The following ATP13A4 variants were observed in gnomAD, a reference collection of about 807,000 sequenced individuals.
The protein encoded by ATP13A4 is ATPase 13A4, also known as probable cation-transporting ATPase 13A4.
In ATP13A4, 114 loss-of-function variants were observed where a neutral mutation model predicts 142.5. That is an observed-to-expected ratio of 0.80 (90% confidence interval 0.69 to 0.93). ATP13A4 has a LOEUF of 0.93. Among genes scored for constraint, ATP13A4 ranks in the 40% least tolerant of loss-of-function variants. The pLI is 0.00. For missense variants in ATP13A4, 1,392 were observed against 1,454.0 expected (o/e 0.96, Z 0.69); for synonymous variants, 488 against 514.8 (o/e 0.95, Z 0.70).
intron 18 of ATP13A4, among the ~76,000 whole-genome samples, chr3:193,442,877 GTATC>G (rs147519429): frequency 0.03 from 4,626 of 152,260 alleles, 231 homozygotes; most frequent in African/African-American, 0.1. Flanking sequence ...GTTTAGTAGA[GTATC>G]TGGTGGTTCC....
At chr3:193,535,699 G>T (rs1235697967) in intron 1 of ATP13A4, among the ~76,000 whole-genome samples, 2 of 151,836 alleles carry the variant, frequency 1.3e-5, no homozygotes, top group African/African-American at 4.8e-5. Flanking sequence ...AGAAATCAAT[G>T]AAATTGTGAA....
At chr3:193,557,242 T>C (rs1723921756), upstream of ATP13A4, among the ~76,000 whole-genome samples, 1 of 152,228 alleles carries the variant, frequency 6.6e-6, no homozygotes, top group Admixed American at 6.5e-5. Flanking sequence ...CATGGAAAAT[T>C]ATTTTCCACA....
intron 8 of ATP13A4, among the ~76,000 whole-genome samples, chr3:193,481,342 G>A (rs986552117): frequency 6.6e-6 from 1 of 151,912 alleles, no homozygotes; most frequent in Non-Finnish European, 1.5e-5. Flanking sequence ...AGCATGTTTT[G>A]AACTTTATAT....
intron 1 of ATP13A4, among the ~76,000 whole-genome samples, chr3:193,585,770 T>C (rs1044366252): frequency 1.3e-5 from 2 of 152,194 alleles, no homozygotes; most frequent in African/African-American, 4.8e-5. Flanking sequence ...CAGTTTTCAA[T>C]TACCGTGAAA....
intron 1 of ATP13A4, among the ~76,000 whole-genome samples, chr3:193,582,553 G>A (rs1439438385): frequency 6.3e-5 from 8 of 127,610 alleles, no homozygotes; most frequent in African/African-American, 1.6e-4. Flanking sequence ...TATATTATAT[G>A]TATTATATAT....
intron 21 of ATP13A4, 113 bp downstream of exon 21, chr3:193,440,445 G>T: frequency 6.4e-7 from 1 of 1,557,230 alleles, no homozygotes. Flanking sequence ...TCATGCAGCC[G>T]AAGTACGGAC....
chr3:193,579,912 T>A (rs1048614620), intron 2 of ATP13A4, among the ~76,000 whole-genome samples: 2 of 152,222 alleles, frequency 1.3e-5, no homozygotes, highest in South Asian at 4.1e-4. Flanking sequence ...TATCATAACA[T>A]CATGGTAATA....
chr3:193,492,282 A>G (rs1352916513), intron 5 of ATP13A4, among the ~76,000 whole-genome samples: 2 of 152,190 alleles, frequency 1.3e-5, no homozygotes, highest in Non-Finnish European at 2.9e-5. Flanking sequence ...TTAGAACAGC[A>G]AGGCCTTTAA....
At chr3:193,495,882 C>CA (rs376728665) in intron 3 of ATP13A4, among the ~76,000 whole-genome samples, 8 of 152,140 alleles carry the variant, frequency 5.3e-5, no homozygotes, top group Non-Finnish European at 1.2e-4. Flanking sequence ...TTACAGAATA[C>CA]AAAATCAATG....
At chr3:193,425,020 A>C (rs983980220) in intron 25 of ATP13A4, among the ~76,000 whole-genome samples, 1 of 149,228 alleles carries the variant, frequency 6.7e-6, no homozygotes, top group African/African-American at 2.5e-5. Flanking sequence ...AAAATAATTC[A>C]ATTAAAAAAT....
Position 193,433,847 on chromosome 3 carries a change from G to A in ATP13A4, c.2840C>T (p.Thr947Ile). 6.2e-7 allele frequency: 1 copy of A among 1,612,070 alleles called. No individual in the cohort carries two copies. Among genetic ancestry groups the A allele is most frequent in the Non-Finnish European group, 8.5e-7 (1 of 1,178,166 alleles). The change falls in exon 25 of 30, where the codon ACA (threonine) becomes ATA (isoleucine). Residue 947 changes from threonine to isoleucine, a missense_variant and splice_region_variant. Physicochemically the swap from Thr to Ile is moderately conservative, Grantham distance 89. Coordinates refer to ENST00000342695, the MANE Select transcript of ATP13A4 (RefSeq NM_032279.4). ...AAGAAAGTTTTAAAATGTCTTACTT[G>A]TTACACCAATAAGAGTTGTAATGGC... ...DLAITTLIGV[T>I]MNLNGAYPKL...
At chr3:193,571,635 C>T (rs928270158) in intron 2 of ATP13A4, among the ~76,000 whole-genome samples, 7 of 152,174 alleles carry the variant, frequency 4.6e-5, no homozygotes, top group African/African-American at 1.7e-4. Context: ...CAAAAACCTA[C>T]AACTCCTGTC....
At chr3:193,548,291 T>C (rs1673651401) in intron 1 of ATP13A4, among the ~76,000 whole-genome samples, 1 of 152,234 alleles carries the variant, frequency 6.6e-6, no homozygotes, top group Non-Finnish European at 1.5e-5. Flanking sequence ...AATTACGCTA[T>C]CATGCCCGGA....
chr3:193,519,323 C>T (rs939919991), intron 1 of ATP13A4, among the ~76,000 whole-genome samples: 2 of 152,182 alleles, frequency 1.3e-5, no homozygotes, highest in African/African-American at 4.8e-5. Context: ...AACTGAGGTA[C>T]TAAGACAGAA....
Position 193,412,379 on chromosome 3 carries a change from G to A in ATP13A4, c.3015-8C>T. On this transcript the variant is annotated splice_polypyrimidine_tract_variant and splice_region_variant and intron_variant, in intron 26 of 29. Transcript: ENST00000342695. Reference sequence around the variant, plus strand: ...TTTTGTACTGTGCAGGCACTAAAAGGGAAAACCAAAGAAGCTAATGAAGTA... The same window carrying A: ...TTTTGTACTGTGCAGGCACTAAAAGAGAAAACCAAAGAAGCTAATGAAGTA... The A allele has an allele frequency of 6.2e-7, 1 of 1,613,612 alleles. No homozygotes were observed. Among genetic ancestry groups the A allele is most frequent in the Non-Finnish European group, 8.5e-7 (1 of 1,179,666 alleles).
At chr3:193,432,559 C>T (rs1185069129) in intron 25 of ATP13A4, among the ~76,000 whole-genome samples, 1 of 151,826 alleles carries the variant, frequency 6.6e-6, no homozygotes, top group Admixed American at 6.6e-5. Flanking sequence ...TTATTCAGCA[C>T]TAAAAAGAAA....
At chr3:193,426,875 TAAC>T (rs1239247615) in intron 25 of ATP13A4, among the ~76,000 whole-genome samples, 1 of 151,908 alleles carries the variant, frequency 6.6e-6, no homozygotes, top group African/African-American at 2.4e-5. Context: ...ATGTAAGAGT[TAAC>T]AACATAAAAT....
At chr3:193,492,308 A>G (rs1036911485) in intron 5 of ATP13A4, among the ~76,000 whole-genome samples, 22 of 152,084 alleles carry the variant, frequency 1.4e-4, no homozygotes, top group African/African-American at 4.8e-4. Flanking sequence ...CCTTCTACCC[A>G]TGTCTATGAT....
At chr3:193,471,130 G>A in intron 8 of ATP13A4, 137 bp from the exon 9 acceptor site, 4 of 1,163,706 alleles carry the variant, frequency 3.4e-6, no homozygotes, top group East Asian at 2.4e-5. Flanking sequence ...CCTCAACATT[G>A]ATTCAAAATT....
Sources: allele counts gnomAD v4.1 joint callset (sites outside exome capture counted in the v4.1 genomes callset), GRCh38; gene constraint gnomAD v4.1.1; transcripts MANE v1.5; gene names NCBI Gene and HGNC (gene_info 2026-07-23, HGNC 2026-07-21).